Variants in MTMR8 observed in about 807,000 individuals in gnomAD.
The protein encoded by MTMR8 is myotubularin related protein 8.
Under a neutral mutation model 39.3 loss-of-function variants are expected in MTMR8, and 65 were observed. The ratio of observed to expected loss-of-function variants is 1.65; its 90% confidence interval spans 1.35 to 2.03. The LOEUF is 2.03. Among genes scored for constraint, MTMR8 ranks in the 30% most tolerant of loss-of-function variants. The pLI, the probability that MTMR8 is intolerant of heterozygous loss-of-function variation, is 0.00. For missense variants in MTMR8, 777 were observed against 538.9 expected, an observed-to-expected ratio of 1.44 and a Z score of -4.37; for synonymous variants, 245 against 185.2, an observed-to-expected ratio of 1.32 and a Z score of -2.62.
At chrX:64,346,035 G>A (rs1010064728) in intron 6 of MTMR8, among the ~76,000 whole-genome samples, 1 of 112,137 alleles carries the variant, frequency 8.9e-6, no homozygotes, top group Non-Finnish European at 1.9e-5. Context: ...ACTATGTTCA[G>A]TTTGTGGTAA....
intron 12 of MTMR8, among the ~76,000 whole-genome samples, chrX:64,286,714 C>A (rs376356986): frequency 8.9e-6 from 1 of 111,852 alleles, no homozygotes; most frequent in East Asian, 2.8e-4. Flanking sequence ...ACAAAAACCA[C>A]ATGATTATCT....
rs1922861601 is a variant in MTMR8 at position 64,328,684 on chromosome X, C to T, written c.1481+88G>A. Reference sequence around the variant, plus strand: ...ATCCTACTCCATAGCCAGGCTTGTACAGATGGTGGCAGCTATCCAAGGAGA... The same window carrying T: ...ATCCTACTCCATAGCCAGGCTTGTATAGATGGTGGCAGCTATCCAAGGAGA... On this transcript the variant is annotated intron_variant, in intron 12 of 13. Transcript: ENST00000374852. 9 of 920,924 alleles carry T rather than the reference C, an allele frequency of 9.8e-6. No homozygotes were observed. The South Asian group carries it at 1.3e-4, about 13-fold the overall frequency. 75.9% of individuals were successfully genotyped at this position (920,924 alleles called of 1,213,427 possible). A position where few individuals can be genotyped will look rare whatever the true frequency, so the allele number is the denominator to read the frequency against.
intron 8 of MTMR8, among the ~76,000 whole-genome samples, chrX:64,340,235 T>A (rs1233327124): frequency 8.9e-6 from 1 of 111,743 alleles, no homozygotes; most frequent in African/African-American, 3.3e-5. Flanking sequence ...GAGGTTTCCA[T>A]GAGATAGAAG....
intron 12 of MTMR8, among the ~76,000 whole-genome samples, chrX:64,323,253 A>G (rs1298349797): frequency 8.9e-6 from 1 of 112,729 alleles, no homozygotes; most frequent in African/African-American, 3.2e-5. Flanking sequence ...GGAAACCAAG[A>G]GAGAGCAGGA....
chrX:64,387,044 G>A (rs948589042), intron 1 of MTMR8, among the ~76,000 whole-genome samples: 1 of 111,144 alleles, frequency 9.0e-6, no homozygotes, highest in South Asian at 3.8e-4. Context: ...ACAGAGCAAG[G>A]CCTTGTCTCA....
chrX:64,369,605 G>A (rs1466888861), intron 1 of MTMR8, among the ~76,000 whole-genome samples: 1 of 110,071 alleles, frequency 9.1e-6, no homozygotes, highest in Non-Finnish European at 1.9e-5. Flanking sequence ...CACACATGGG[G>A]GCCTATCATG....
chrX:64,386,851 C>T (rs1264282930), intron 1 of MTMR8, among the ~76,000 whole-genome samples: 1 of 109,212 alleles, frequency 9.2e-6, no homozygotes, highest in Non-Finnish European at 1.9e-5. Context: ...CAAGACCAGC[C>T]TGGGCAACAT....
At chrX:64,319,310 G>T (rs745820923) in intron 12 of MTMR8, among the ~76,000 whole-genome samples, 16 of 112,467 alleles carry the variant, frequency 1.4e-4, no homozygotes, top group Admixed American at 1.4e-3. Context: ...AGACTACTTT[G>T]TCAGATGAGT....
At chrX:64,333,371 A>C (rs1922991970) in intron 10 of MTMR8, among the ~76,000 whole-genome samples, 1 of 111,424 alleles carries the variant, frequency 9.0e-6, no homozygotes, top group Non-Finnish European at 1.9e-5. Flanking sequence ...TAGAAAAAAA[A>C]ATTTCTAACT....
At chrX:64,322,091 G>A (rs1174995216) in intron 12 of MTMR8, among the ~76,000 whole-genome samples, 3 of 107,820 alleles carry the variant, frequency 2.8e-5, no homozygotes, top group South Asian at 4.2e-4. Flanking sequence ...TGACCCAGGT[G>A]GGAGTGCAGT....
chrX:64,376,081 C>T (rs1278740930), intron 1 of MTMR8, among the ~76,000 whole-genome samples: 1 of 112,300 alleles, frequency 8.9e-6, no homozygotes, highest in East Asian at 2.8e-4. Flanking sequence ...TCCAGCCATG[C>T]TTCTTGTACA....
At chrX:64,380,989 T>C (rs1238340080) in intron 1 of MTMR8, among the ~76,000 whole-genome samples, 1 of 112,373 alleles carries the variant, frequency 8.9e-6, no homozygotes, top group Non-Finnish European at 1.9e-5. Context: ...TAATCAAGTC[T>C]ATCATTGTTG....
intron 1 of MTMR8, among the ~76,000 whole-genome samples, chrX:64,392,930 C>A (rs1171629155): frequency 9.0e-6 from 1 of 111,439 alleles, no homozygotes; most frequent in Non-Finnish European, 1.9e-5. Context: ...ATTAATGCAA[C>A]CCTAATCCTT....
intron 1 of MTMR8, among the ~76,000 whole-genome samples, chrX:64,391,501 T>A (rs1219282121): frequency 8.9e-6 from 1 of 112,030 alleles, no homozygotes; most frequent in Non-Finnish European, 1.9e-5. Flanking sequence ...TATTTTTCAG[T>A]CTCTTTCATT....
chrX:64,356,442 T>G, intron 2 of MTMR8, 104 bp from the exon 3 acceptor site: 1 of 716,523 alleles, frequency 1.4e-6, no homozygotes, highest in Non-Finnish European at 2.0e-6. Flanking sequence ...ACCAGATCTG[T>G]AGGCTACATC....
At chrX:64,320,208 C>T (rs1257054993) in intron 12 of MTMR8, among the ~76,000 whole-genome samples, 1 of 111,116 alleles carries the variant, frequency 9.0e-6, no homozygotes, top group Non-Finnish European at 1.9e-5. Context: ...CTCTGTTTAT[C>T]TGCTATTGGT....
chrX:64,360,378 G>T, intron 1 of MTMR8: 1 of 288,646 alleles, frequency 3.5e-6, no homozygotes, highest in Non-Finnish European at 6.5e-6. Flanking sequence ...GGAACTAATA[G>T]GTCAAGCAGA....
At chrX:64,283,797 G>A (rs964738246) in intron 12 of MTMR8, among the ~76,000 whole-genome samples, 3 of 112,264 alleles carry the variant, frequency 2.7e-5, no homozygotes, top group African/African-American at 9.7e-5. Flanking sequence ...CAAACAGAAA[G>A]GACATCCACA....
chrX:64,293,931 C>T (rs1253606468), intron 12 of MTMR8, among the ~76,000 whole-genome samples: 2 of 111,887 alleles, frequency 1.8e-5, no homozygotes, highest in Non-Finnish European at 3.8e-5. Context: ...CTCCATAGAA[C>T]CTAAGGCTTT....
Sources: gnomAD v4.1 joint callset for allele counts (sites outside exome capture counted in the v4.1 genomes callset) on GRCh38, gnomAD v4.1.1 for gene constraint, MANE v1.5 for transcripts, NCBI Gene and HGNC (gene_info 2026-07-23, HGNC 2026-07-21) for gene names.